RAC2: variants seen among roughly 807,000 people sequenced by gnomAD.
RAC2 encodes the protein Rac family small GTPase 2, also known as ras-related C3 botulinum toxin substrate 2.
In RAC2, 1 loss-of-function variant was observed where a neutral mutation model predicts 24.0. The observed-to-expected ratio is 0.04, with a 90% CI of 0.01 to 0.20. The LOEUF is 0.20. Among genes scored for constraint, RAC2 ranks in the 10% least tolerant of loss-of-function variants. The probability of loss-of-function intolerance (pLI) is 1.00; values close to 1 mark genes in which losing one functional copy is unlikely to be tolerated. For synonymous variants in RAC2, 114 were observed against 106.8 expected, an observed-to-expected ratio of 1.07 and a Z score of -0.41; for missense variants, 130 against 259.1, an observed-to-expected ratio of 0.50 and a Z score of 3.42.
chr22:37,231,849 C>T lies in RAC2; in HGVS notation c.288+83G>A. On this transcript the variant is annotated intron_variant, in intron 4 of 6. Transcript: ENST00000249071. This position sits in a 1 kb window ranked among gnomAD's most constrained non-coding sequence, Gnocchi z 5.5. ...TATGCGACCTCTGCTGCCCCAGGGA[C>T]CAGCCTAGAGTCACCAGTTCCTCCC... 1 of 1,471,028 alleles carries T rather than the reference C, an allele frequency of 6.8e-7. No homozygotes were observed. The highest frequency in any genetic ancestry group is 1.4e-5 in the African/African-American group (1 of 71,368). The allele number at this position is 1,471,028 out of a possible 1,614,324, so 91.1% of individuals were successfully genotyped here.
intron 5 of RAC2, among the ~76,000 whole-genome samples, chr22:37,230,895 T>C (rs895740053): frequency 2.0e-5 from 3 of 152,176 alleles, no homozygotes; most frequent in Non-Finnish European, 4.4e-5. Context: ...TCAGTATCTA[T>C]TAATAGATAC....
In RAC2 at chr22:37,233,505, A is replaced by T. The variant is rs538606863; in HGVS notation, c.108-587T>A. ...ACCATGTTGACCAGGCTGGTCTCGAACCCCTGAACTTAAGTGATCCGCCCG... is the reference window on the plus strand; with the variant it reads ...ACCATGTTGACCAGGCTGGTCTCGATCCCCTGAACTTAAGTGATCCGCCCG... On this transcript the variant is annotated intron_variant, in intron 2 of 6. Coordinates refer to ENST00000249071, the MANE Select transcript of RAC2 (RefSeq NM_002872.5). Among the ~76,000 whole-genome samples, 341 of 152,114 alleles carry T rather than the reference A, an allele frequency of 2.2e-3. 3 individuals carry two copies. Among genetic ancestry groups the T allele is most frequent in the African/African-American group, 7.9e-3 (328 of 41,484 alleles).
chr22:37,244,198 C>CGTTTCT lies in RAC2; in HGVS notation c.-56_-51dup. 1 of 1,608,144 alleles carries CGTTTCT rather than the reference C, an allele frequency of 6.2e-7. No individual in the cohort carries two copies. The highest frequency in any genetic ancestry group is 8.5e-7 in the Non-Finnish European group (1 of 1,177,280). On this transcript the variant is annotated 5_prime_UTR_variant, in exon 1 of 7. Coordinates refer to ENST00000249071, the MANE Select transcript of RAC2 (RefSeq NM_002872.5). ...GGTGGTGACAGCTCAGGGCCAGGCGCGTTTCTGCGGGCGCAAGGGGTGTGG... is the reference window on the plus strand; with the variant it reads ...GGTGGTGACAGCTCAGGGCCAGGCGCGTTTCTGTTTCTGCGGGCGCAAGGGGTGTGG...
Position 37,232,824 on chromosome 22 carries a change from G to T in RAC2, c.202C>A (p.Arg68=). 1 of 1,613,852 alleles carries T rather than the reference G, an allele frequency of 6.2e-7. No homozygotes were observed. The highest frequency in any genetic ancestry group is 8.5e-7 in the Non-Finnish European group (1 of 1,179,874). The change falls in exon 3 of 7, where the codon CGG becomes AGG. Residue 68 remains arginine (R), a synonymous_variant. Coordinates refer to ENST00000249071, the MANE Select transcript of RAC2 (RefSeq NM_002872.5). ...ACCGTCTGTGGATAGGAGAGCGGCCGGAGACGGTCGTAGTCCTCCTGCCCA... is the reference window on the plus strand; with the variant it reads ...ACCGTCTGTGGATAGGAGAGCGGCCTGAGACGGTCGTAGTCCTCCTGCCCA... ...TAGQEDYDRL[R]PLSYPQTDVF...
chr22:37,226,454 G>C (rs949767887), intron 6 of RAC2, among the ~76,000 whole-genome samples: 3 of 152,060 alleles, frequency 2.0e-5, no homozygotes, highest in African/African-American at 7.3e-5. Context: ...GGGTTACCAG[G>C]CATTCATTCA....
intron 5 of RAC2, among the ~76,000 whole-genome samples, chr22:37,230,024 G>C (rs773205004): frequency 2.6e-4 from 40 of 152,168 alleles, no homozygotes; most frequent in Non-Finnish European, 4.3e-4. Context: ...GAGGGGTGCT[G>C]GTTGGTCAGA....
intron 2 of RAC2, among the ~76,000 whole-genome samples, 153 bp downstream of exon 2, chr22:37,241,434 G>A (rs1927388482): frequency 6.6e-6 from 1 of 152,214 alleles, no homozygotes. Flanking sequence ...CGCCAGTGCT[G>A]CCTTCTTGGC....
At chr22:37,228,570 G>A (rs566499411) in intron 5 of RAC2, among the ~76,000 whole-genome samples, 4 of 152,378 alleles carry the variant, frequency 2.6e-5, no homozygotes, top group South Asian at 2.1e-4. Context: ...GCTTCTCTGT[G>A]GCAGGATGGA....
chr22:37,240,901 G>A, intron 2 of RAC2: 1 of 654,980 alleles, frequency 1.5e-6, no homozygotes, highest in South Asian at 1.7e-5. Flanking sequence ...GAACAGTAGG[G>A]TCCGGAGGAG....
At chr22:37,232,775 C>T (rs756797181) in intron 3 of RAC2, 26 bp downstream of exon 3, 1 of 1,581,912 alleles carries the variant, frequency 6.3e-7, no homozygotes, top group Middle Eastern at 1.8e-4. Flanking sequence ...AAGGTCAGGA[C>T]TGCAAGGCAG....
chr22:37,240,548 C>T (rs1381376385), intron 2 of RAC2, among the ~76,000 whole-genome samples: 6 of 152,206 alleles, frequency 3.9e-5, no homozygotes, highest in Non-Finnish European at 7.3e-5. Context: ...GTCCTTCCCA[C>T]GATGTCCAAG....
intron 6 of RAC2, 31 bp downstream of exon 6, chr22:37,226,640 G>T: frequency 1.2e-6 from 2 of 1,610,764 alleles, no homozygotes; most frequent in Non-Finnish European, 1.7e-6. Flanking sequence ...GCTGTGTATG[G>T]GAGTTGGGCA....
rs150228196 is a variant in RAC2, at chr22:37,243,469, A to C, written c.35+645T>G. 9.1e-3 allele frequency among the ~76,000 whole-genome samples: 1,390 copies of C among 152,102 alleles called. 18 individuals are homozygous for C. The highest frequency in any genetic ancestry group is 0.016 in the South Asian group (76 of 4,806). ...CCTCCTCCTTCCCTCTCTGTCTCTC[A>C]ATGTCCCCTTGCCTCTTCTGCTCCT... is the stretch of plus-strand genomic sequence containing the variant. On this transcript the variant is annotated intron_variant, in intron 1 of 6. Transcript: ENST00000249071.
chr22:37,242,136 G>A (rs961089727), intron 1 of RAC2, among the ~76,000 whole-genome samples: 5 of 152,188 alleles, frequency 3.3e-5, no homozygotes, highest in Non-Finnish European at 7.3e-5. Context: ...GGAGTGTGCT[G>A]AGGAGTAAAT....
rs542811282 is a variant in RAC2, at chr22:37,232,102, G to A, written c.226-108C>T. ...GGCTCCCTGAGGGTGGAACACCCCA[G>A]GGAATGCTGGGGACTTAGGATCTGG... is the stretch of plus-strand genomic sequence containing the variant. On this transcript the variant is annotated intron_variant, in intron 3 of 6. Transcript: ENST00000249071. The A allele has an allele frequency of 4.5e-4, 489 of 1,087,928 alleles. 5 individuals are homozygous for A. In the South Asian group the frequency reaches 6.3e-3, roughly 14 times the overall value. The allele number at this position is 1,087,928 out of a possible 1,614,324, so 67.4% of individuals were successfully genotyped here.
Position 37,231,334 on chromosome 22 carries a change from G to A in RAC2, c.345C>T (p.Thr115=). 1.2e-6 allele frequency: 2 copies of A among 1,614,140 alleles called. No individual in the cohort carries two copies. The highest frequency in any genetic ancestry group is 1.7e-6 in the Non-Finnish European group (2 of 1,180,034). Residue 115 remains threonine (T), a synonymous_variant, in exon 5 of 7, where the codon ACC becomes ACT. Transcript: ENST00000249071. The surrounding 1 kb of genome is among the most constrained non-coding windows in gnomAD (Gnocchi z 5.5). ...CCTTGTCGTCCCGCAGGTCCAGCTTGGTGCCCACCAGGATGATGGGTGTGC... is the reference window on the plus strand; with the variant it reads ...CCTTGTCGTCCCGCAGGTCCAGCTTAGTGCCCACCAGGATGATGGGTGTGC... ...CPSTPIILVG[T]KLDLRDDKDT...
intron 2 of RAC2, among the ~76,000 whole-genome samples, chr22:37,234,115 T>C (rs1249898512): frequency 6.6e-6 from 1 of 151,796 alleles, no homozygotes; most frequent in Non-Finnish European, 1.5e-5. Context: ...GCACCTACTA[T>C]GCATCGGGTG....
At chr22:37,239,680 T>C (rs1202665430) in intron 2 of RAC2, among the ~76,000 whole-genome samples, 3 of 151,998 alleles carry the variant, frequency 2.0e-5, no homozygotes, top group African/African-American at 4.8e-5. Context: ...AGAGGGGAAG[T>C]GATTGGTCCA....
chr22:37,228,848 G>A (rs775338638), intron 5 of RAC2, among the ~76,000 whole-genome samples: 20 of 152,202 alleles, frequency 1.3e-4, no homozygotes, highest in South Asian at 4.1e-4. Flanking sequence ...GATGTCACTC[G>A]CTCTGAGTCA....
Sources: allele counts gnomAD v4.1 joint callset (sites outside exome capture counted in the v4.1 genomes callset), GRCh38; gene constraint gnomAD v4.1.1; non-coding constraint Gnocchi (gnomAD v3.1); transcripts MANE v1.5; gene names NCBI Gene and HGNC (gene_info 2026-07-23, HGNC 2026-07-21).